The following GNAQ variants were observed in gnomAD, a reference collection of about 807,000 sequenced individuals.
GNAQ encodes guanine nucleotide-binding protein G(q) subunit alpha.
GNAQ carries 8 observed loss-of-function variants against 43.9 expected under a neutral mutation model. The ratio of observed to expected loss-of-function variants is 0.18; its 90% CI spans 0.11 to 0.33. The LOEUF (loss-of-function observed/expected upper bound fraction) is 0.33. GNAQ is among the 10% of genes least tolerant of loss of function. GNAQ has a pLI of 1.00. For synonymous variants in GNAQ, 155 were observed against 170.7 expected (o/e 0.91, Z 0.71); for missense variants, 158 against 450.8 (o/e 0.35, Z 5.88).
intron 2 of GNAQ, among the ~76,000 whole-genome samples, chr9:77,869,233 C>T (rs1437901219): frequency 6.6e-6 from 1 of 151,976 alleles, no homozygotes; most frequent in Non-Finnish European, 1.5e-5. Flanking sequence ...ATTTAGCTGT[C>T]TAATTAGTAG....
At chr9:78,008,681 T>A (rs1253297775) in intron 1 of GNAQ, among the ~76,000 whole-genome samples, 1 of 152,154 alleles carries the variant, frequency 6.6e-6, no homozygotes, top group Non-Finnish European at 1.5e-5. Flanking sequence ...TACAGTAGCA[T>A]GATCTCAGCT....
intron 2 of GNAQ, among the ~76,000 whole-genome samples, chr9:77,921,170 T>C (rs991674639): frequency 8.5e-5 from 13 of 152,222 alleles, no homozygotes; most frequent in African/African-American, 2.9e-4. Context: ...CTAAAATCCC[T>C]GAGGAGCAAA....
intron 3 of GNAQ, among the ~76,000 whole-genome samples, chr9:77,798,251 T>A (rs2118459107): frequency 6.6e-6 from 1 of 152,276 alleles, no homozygotes; most frequent in East Asian, 1.9e-4. Context: ...ATGTTTGGAG[T>A]CACCACACCT....
At chr9:78,028,320 T>G (rs56224002) in intron 1 of GNAQ, among the ~76,000 whole-genome samples, 1 of 152,030 alleles carries the variant, frequency 6.6e-6, no homozygotes, top group Non-Finnish European at 1.5e-5. Flanking sequence ...TAAAAATATA[T>G]AATATATAAG....
intron 2 of GNAQ, among the ~76,000 whole-genome samples, chr9:77,819,875 G>C (rs1020532120): frequency 1.3e-5 from 2 of 151,240 alleles, no homozygotes; most frequent in African/African-American, 4.9e-5. Context: ...CAAGACTGCT[G>C]GTGTTGTAAT....
intron 1 of GNAQ, among the ~76,000 whole-genome samples, chr9:77,959,870 C>T (rs1823086601): frequency 6.6e-6 from 1 of 152,138 alleles, no homozygotes; most frequent in Non-Finnish European, 1.5e-5. Flanking sequence ...AAAAAGGTGG[C>T]ACCATGGTTC....
chr9:77,761,036 A>C (rs1355828558), intron 5 of GNAQ, among the ~76,000 whole-genome samples: 1 of 151,346 alleles, frequency 6.6e-6, no homozygotes, highest in East Asian at 2.0e-4. Flanking sequence ...AGAAGTGAGG[A>C]GCCCCTCCGC....
At chr9:77,750,793 T>C (rs1825800252) in intron 5 of GNAQ, among the ~76,000 whole-genome samples, 1 of 152,210 alleles carries the variant, frequency 6.6e-6, no homozygotes, top group African/African-American at 2.4e-5. Flanking sequence ...ACTGAGCTTC[T>C]TGGAGCTCAA....
intron 1 of GNAQ, among the ~76,000 whole-genome samples, chr9:77,928,132 C>T (rs572017191): frequency 1.3e-5 from 2 of 152,332 alleles, no homozygotes; most frequent in South Asian, 4.1e-4. Context: ...AAAACTCAAT[C>T]CATGTGTTGT....
chr9:77,792,872 AG>A (rs1319712821), intron 5 of GNAQ, among the ~76,000 whole-genome samples: 2 of 152,132 alleles, frequency 1.3e-5, no homozygotes, highest in Non-Finnish European at 2.9e-5. Context: ...TACATAACAA[AG>A]GCTTACCTTT....
intron 1 of GNAQ, among the ~76,000 whole-genome samples, chr9:77,931,998 A>AT (rs771020869): frequency 6.6e-6 from 1 of 152,230 alleles, no homozygotes; most frequent in Non-Finnish European, 1.5e-5. Context: ...GAGAAATAAT[A>AT]TTTTAATGCA....
chr9:77,759,816 G>A (rs1825961745), intron 5 of GNAQ, among the ~76,000 whole-genome samples: 1 of 152,184 alleles, frequency 6.6e-6, no homozygotes, highest in African/African-American at 2.4e-5. Context: ...GAGCCTTTTA[G>A]ATCTATTAAA....
intron 3 of GNAQ, among the ~76,000 whole-genome samples, chr9:77,808,416 G>A (rs1323904204): frequency 6.7e-6 from 1 of 150,066 alleles, no homozygotes; most frequent in East Asian, 2.0e-4. Context: ...AACAAAACAG[G>A]AAGAGAATTA....
intron 2 of GNAQ, among the ~76,000 whole-genome samples, chr9:77,905,774 C>A (rs1828696790): frequency 6.6e-6 from 1 of 152,148 alleles, no homozygotes; most frequent in African/African-American, 2.4e-5. Context: ...ATTTGCTCTT[C>A]AACAAAACTT....
chr9:77,794,440 T>G (rs139792373), intron 5 of GNAQ, 23 bp downstream of exon 5: 1 of 1,526,996 alleles, frequency 6.5e-7, no homozygotes, highest in African/African-American at 1.4e-5. Flanking sequence ...TGATAATCCA[T>G]TGCCTGTCTA....
intron 2 of GNAQ, among the ~76,000 whole-genome samples, chr9:77,824,433 C>T (rs1444928236): frequency 6.6e-6 from 1 of 152,036 alleles, no homozygotes; most frequent in Non-Finnish European, 1.5e-5. Context: ...GGTATTAGTT[C>T]AGAATAGTAT....
intron 1 of GNAQ, among the ~76,000 whole-genome samples, chr9:77,953,014 T>A (rs918441043): frequency 6.6e-6 from 1 of 152,220 alleles, no homozygotes; most frequent in Non-Finnish European, 1.5e-5. Flanking sequence ...AGCTACATTA[T>A]TGATAAAATA....
rs1825232974 is a variant in GNAQ, at chr9:77,716,784, A to T, written c.*4539T>A. ...ATTTGCTATATTGGGTTGGAATCAT[A>T]CGGGGAAATGGAGGACACAGGGTAG... On this transcript the variant is annotated 3_prime_UTR_variant, in exon 7 of 7. Coordinates refer to ENST00000286548, the MANE Select transcript of GNAQ (RefSeq NM_002072.5). The T allele has an allele frequency of 4.3e-6, 1 of 232,806 alleles. No homozygotes were observed. The highest frequency in any genetic ancestry group is 8.5e-6 in the Non-Finnish European group (1 of 117,862). The allele number at this position is 232,806 out of a possible 1,614,324, so 14.4% of individuals were successfully genotyped here.
chr9:77,859,161 T>C (rs776479894), intron 2 of GNAQ, among the ~76,000 whole-genome samples: 3 of 152,180 alleles, frequency 2.0e-5, no homozygotes, highest in South Asian at 2.1e-4. Context: ...TCCTGGAAAT[T>C]TTCTCTGGTC....
Sources: allele counts gnomAD v4.1 joint callset (sites outside exome capture counted in the v4.1 genomes callset), GRCh38; gene constraint gnomAD v4.1.1; transcripts MANE v1.5; gene names NCBI Gene and HGNC (gene_info 2026-07-23, HGNC 2026-07-21).